The following GPR26 variants were observed in gnomAD, a reference collection of about 807,000 sequenced individuals.
The protein encoded by GPR26 is G protein-coupled receptor 26.
GPR26 carries 15 observed loss-of-function variants against 23.1 expected under a neutral mutation model. The observed-to-expected ratio is 0.65, with a 90% confidence interval of 0.43 to 1.00. The LOEUF (loss-of-function observed/expected upper bound fraction) is 1.00, where lower values mean the gene tolerates loss of function less well. Among genes scored for constraint, GPR26 ranks in the 50% least tolerant of loss-of-function variants. The probability of loss-of-function intolerance (pLI) is 0.00; values close to 1 mark genes in which losing one functional copy is unlikely to be tolerated. For missense variants in GPR26, 359 were observed against 470.5 expected, an observed-to-expected ratio of 0.76 and a Z score of 2.19; for synonymous variants, 228 against 222.1, an observed-to-expected ratio of 1.03 and a Z score of -0.24.
chr10:123,673,664 A>T (rs1845275214), intron 1 of GPR26, among the ~76,000 whole-genome samples: 1 of 151,486 alleles, frequency 6.6e-6, no homozygotes, highest in Non-Finnish European at 1.5e-5. Context: ...GAACCAAGTG[A>T]CTCCTTCAAT....
At chr10:123,683,230 G>A (rs936624333) in intron 2 of GPR26, among the ~76,000 whole-genome samples, 2 of 152,232 alleles carry the variant, frequency 1.3e-5, no homozygotes, top group African/African-American at 4.8e-5. Flanking sequence ...CACCAGGAAG[G>A]CACATGGTCA....
Position 123,667,049 on chromosome 10 carries a change from G to A in GPR26, c.642G>A (p.Leu214=), listed in dbSNP as rs4980313. 2 of 1,600,900 alleles carry A rather than the reference G, an allele frequency of 1.2e-6. No individual in the cohort carries two copies. The highest frequency in any genetic ancestry group is 2.3e-5 in the East Asian group (1 of 44,116). ...KRIDVITMQT[L]VLLVDLHPSV... ...TCGACGTGATCACCATGCAGACGCT[G>A]GTGCTGCTGGTGGACCTGCACCCCA... The change falls in exon 1 of 3, where the codon CTG becomes CTA. Residue 214 remains leucine, a synonymous_variant. Coordinates refer to ENST00000284674, the MANE Select transcript of GPR26 (RefSeq NM_153442.4).
chr10:123,673,160 C>A (rs1279298903), intron 1 of GPR26, among the ~76,000 whole-genome samples: 1 of 152,140 alleles, frequency 6.6e-6, no homozygotes, highest in Non-Finnish European at 1.5e-5. Flanking sequence ...GTTCTCAACT[C>A]TTTAAATTCC....
chr10:123,667,128 G>T, intron 1 of GPR26, 53 bp downstream of exon 1: 1 of 1,312,946 alleles, frequency 7.6e-7, no homozygotes, highest in Non-Finnish European at 1.0e-6. Flanking sequence ...ATCTCGGCGG[G>T]AGTGGGAGGT....
chr10:123,669,617 T>C (rs1464439550), intron 1 of GPR26, among the ~76,000 whole-genome samples: 1 of 152,222 alleles, frequency 6.6e-6, no homozygotes, highest in African/African-American at 2.4e-5. Context: ...TCCACACTGA[T>C]GGCCTGCTAG....
rs978654208 is a variant in GPR26, at chr10:123,691,858, C to T, written c.*3698C>T. On this transcript the variant is annotated 3_prime_UTR_variant, in exon 3 of 3. Coordinates refer to ENST00000284674, the MANE Select transcript of GPR26 (RefSeq NM_153442.4). ...CCTGGGTTTCCGCACTTTTAATCAT[C>T]GATGCCCAGGTAACTGATAGGAGTT... The T allele has an allele frequency of 7.9e-5, 12 of 152,148 alleles. No homozygotes were observed. Among genetic ancestry groups the T allele is most frequent in the Admixed American group, 2.6e-4 (4 of 15,280 alleles). 9.4% of individuals were successfully genotyped at this position (152,148 alleles called of 1,614,324 possible). A position where few individuals can be genotyped will look rare whatever the true frequency, so the allele number is the denominator to read the frequency against.
At chr10:123,675,821 T>TGTAC (rs1263696183) in intron 2 of GPR26, among the ~76,000 whole-genome samples, 1 of 142,414 alleles carries the variant, frequency 7.0e-6, no homozygotes, top group African/African-American at 2.7e-5. Flanking sequence ...TGTGTGTACG[T>TGTAC]GTGTGTGTGT....
rs1010776410 is a variant in GPR26, at chr10:123,695,745, T to G, written c.*7585T>G. Among the ~76,000 whole-genome samples the G allele has an allele frequency of 5.9e-5, 9 of 152,192 alleles. No homozygotes were observed. Among genetic ancestry groups the G allele is most frequent in the Non-Finnish European group, 1.0e-4 (7 of 68,038 alleles). ...TATTACCAAATCTTTGCTTGAATTATTAATAGTAACCAAACTCTCTGCTCT... is the reference window on the plus strand; with the variant it reads ...TATTACCAAATCTTTGCTTGAATTAGTAATAGTAACCAAACTCTCTGCTCT... On this transcript the variant is annotated 3_prime_UTR_variant, in exon 3 of 3. Transcript: ENST00000284674.
intron 2 of GPR26, among the ~76,000 whole-genome samples, chr10:123,677,072 G>A (rs536940155): frequency 3.9e-5 from 6 of 152,326 alleles, no homozygotes; most frequent in South Asian, 2.1e-4. Flanking sequence ...CCGGACAGCC[G>A]TGGGCTAATG....
chr10:123,679,408 G>T (rs754846995), intron 2 of GPR26, among the ~76,000 whole-genome samples: 4 of 152,198 alleles, frequency 2.6e-5, no homozygotes, highest in Non-Finnish European at 4.4e-5. Flanking sequence ...TACCAACTTG[G>T]CTTTACGTTA....
chr10:123,672,268 TC>T (rs963994009), intron 1 of GPR26, among the ~76,000 whole-genome samples: 3 of 152,172 alleles, frequency 2.0e-5, no homozygotes, highest in African/African-American at 4.8e-5. Context: ...AGCCTCAGTT[TC>T]CCCCATCTGT....
rs543853839 is a variant in GPR26 at position 123,696,237 on chromosome 10, G to A, written c.*8077G>A. On this transcript the variant is annotated 3_prime_UTR_variant, in exon 3 of 3. Transcript: ENST00000284674. ...ATGGAACACACTCATTTCGCCACAC[G>A]GAGGCTTTACTCTGCCCAGTGTCCA... Among the ~76,000 whole-genome samples the A allele has an allele frequency of 9.8e-4, 149 of 152,250 alleles. No individual in the cohort carries two copies. Among genetic ancestry groups the A allele is most frequent in the Non-Finnish European group, 1.7e-3 (119 of 68,016 alleles).
chr10:123,685,653 T>A (rs1845424794), intron 2 of GPR26, among the ~76,000 whole-genome samples: 1 of 152,212 alleles, frequency 6.6e-6, no homozygotes, highest in South Asian at 2.1e-4. Context: ...GTGACAAAAG[T>A]TCCAGACAGC....
chr10:123,695,473 A>T lies in GPR26; in HGVS notation c.*7313A>T, dbSNP rs553952698. ...TTTGGAGAGAGGAAGTCTACTCTTA[A>T]CTGTGAGAGTTAAGAGTATCACCAT... On this transcript the variant is annotated 3_prime_UTR_variant, in exon 3 of 3. Coordinates refer to ENST00000284674, the MANE Select transcript of GPR26 (RefSeq NM_153442.4). Among the ~76,000 whole-genome samples the T allele has an allele frequency of 1.3e-5, 2 of 152,286 alleles. No individual in the cohort carries two copies. The highest frequency in any genetic ancestry group is 2.9e-5 in the Non-Finnish European group (2 of 68,018).
intron 2 of GPR26, among the ~76,000 whole-genome samples, chr10:123,685,122 A>T (rs1207841965): frequency 6.6e-6 from 1 of 152,134 alleles, no homozygotes; most frequent in East Asian, 1.9e-4. Context: ...TCCCTTTAGC[A>T]CACTGTGACC....
At position 123,697,140 on chromosome 10, in the gene GPR26, A is replaced by AT. The variant is rs1234421657; in HGVS notation, c.*8987dup. On this transcript the variant is annotated 3_prime_UTR_variant, in exon 3 of 3. Transcript: ENST00000284674. ...ATCTATTAAACATAAGTATGGCTCC[A>AT]TTTTTTTAGTATTACCAGAAGCCCT... Among the ~76,000 whole-genome samples, 1 of 152,190 alleles carries AT rather than the reference A, an allele frequency of 6.6e-6. No homozygotes were observed. Among genetic ancestry groups the AT allele is most frequent in the African/African-American group, 2.4e-5 (1 of 41,446 alleles).
chr10:123,696,201 C>T lies in GPR26; in HGVS notation c.*8041C>T, dbSNP rs565640476. 1.1e-3 allele frequency among the ~76,000 whole-genome samples: 169 copies of T among 152,246 alleles called. No individual in the cohort carries two copies. Among genetic ancestry groups the T allele is most frequent in the African/African-American group, 3.8e-3 (159 of 41,544 alleles). Reference sequence around the variant, plus strand: ...GTAGACAACTTTAGCCACTCCTGTCCGTCCTTCTTCATGGAACACACTCAT... The same window carrying T: ...GTAGACAACTTTAGCCACTCCTGTCTGTCCTTCTTCATGGAACACACTCAT... On this transcript the variant is annotated 3_prime_UTR_variant, in exon 3 of 3. Coordinates refer to ENST00000284674, the MANE Select transcript of GPR26 (RefSeq NM_153442.4).
At chr10:123,667,561 C>CTCTG (rs1175317398) in intron 1 of GPR26, among the ~76,000 whole-genome samples, 34 of 125,084 alleles carry the variant, frequency 2.7e-4, no homozygotes, top group African/African-American at 1.0e-3. Context: ...TGTCTCACGA[C>CTCTG]TGTGTGTGTG....
At position 123,666,781 on chromosome 10, in the gene GPR26, T is replaced by C; in HGVS notation, c.374T>C (p.Leu125Pro). 1 of 1,605,468 alleles carries C rather than the reference T, an allele frequency of 6.2e-7. No homozygotes were observed. The highest frequency in any genetic ancestry group is 1.7e-5 in the Admixed American group (1 of 59,550). The stretch of plus-strand genomic sequence containing the variant: ...AAGATGCGCCTCCGCGACGCGGCGC[T>C]CATGGTGGCCTACACGTGGCTGCAC... ...RAKMRLRDAA[L>P]MVAYTWLHAL... is the part of the protein sequence containing the mutation. Residue 125 changes from leucine (L) to proline (P), a missense_variant, in exon 1 of 3, where the codon CTC becomes CCC. By Grantham distance (98) the Leu-to-Pro change is moderately conservative (BLOSUM62 -3). Coordinates refer to ENST00000284674, the MANE Select transcript of GPR26 (RefSeq NM_153442.4).
Sources: gnomAD v4.1 joint callset for allele counts (sites outside exome capture counted in the v4.1 genomes callset) on GRCh38, gnomAD v4.1.1 for gene constraint, MANE v1.5 for transcripts, NCBI Gene and HGNC (gene_info 2026-07-23, HGNC 2026-07-21) for gene names.